The following CRTC1 variants were observed in gnomAD, a reference collection of about 807,000 sequenced individuals.
The protein encoded by CRTC1 is CREB regulated transcription coactivator 1, also known as CREB-regulated transcription coactivator 1.
Under a neutral mutation model 66.1 loss-of-function variants are expected in CRTC1, and 18 were observed. That is an observed-to-expected ratio of 0.27 (90% CI 0.19 to 0.40). CRTC1 has a LOEUF of 0.40. Among genes scored for constraint, CRTC1 ranks in the 10% least tolerant of loss-of-function variants. The pLI is 1.00. For synonymous variants in CRTC1, 416 were observed against 398.8 expected, an observed-to-expected ratio of 1.04 and a Z score of -0.51; for missense variants, 669 against 887.9, an observed-to-expected ratio of 0.75 and a Z score of 3.13.
intron 1 of CRTC1, among the ~76,000 whole-genome samples, chr19:18,690,328 G>A (rs558562856): frequency 6.6e-6 from 1 of 152,288 alleles, no homozygotes; most frequent in Admixed American, 6.5e-5. Context: ...GGTGGCTCAG[G>A]TTAGCTGAGT....
At position 18,694,799 on chromosome 19, in the gene CRTC1, T is replaced by G. The variant is rs529616309; in HGVS notation, c.126+10971T>G. 9.9e-5 allele frequency among the ~76,000 whole-genome samples: 15 copies of G among 152,192 alleles called. No individual in the cohort carries two copies. The South Asian group carries it at 2.7e-3, about 27-fold the overall frequency. On this transcript the variant is annotated intron_variant, in intron 1 of 13. Coordinates refer to ENST00000321949, the MANE Select transcript of CRTC1 (RefSeq NM_015321.3). Reference sequence around the variant, plus strand: ...GACTCACACACAGTTTGAAACCCACTGACCTCAAGTGTTAAGGAAGATCAG... The same window carrying G: ...GACTCACACACAGTTTGAAACCCACGGACCTCAAGTGTTAAGGAAGATCAG...
intron 1 of CRTC1, among the ~76,000 whole-genome samples, chr19:18,710,623 A>T (rs1296202948): frequency 1.3e-5 from 2 of 151,762 alleles, no homozygotes; most frequent in Admixed American, 6.6e-5. Context: ...TTATTTATTT[A>T]TTTTTTGAGA....
chr19:18,719,698 C>T (rs993930612), intron 1 of CRTC1, among the ~76,000 whole-genome samples: 2 of 152,216 alleles, frequency 1.3e-5, no homozygotes, highest in Non-Finnish European at 2.9e-5. Context: ...TCATTTGTTC[C>T]GCCTCGACCG....
chr19:18,725,529 GT>G (rs34843495), intron 1 of CRTC1, among the ~76,000 whole-genome samples: 83,916 of 151,964 alleles, frequency 0.55, 23,725 homozygotes, highest in East Asian at 0.82. Flanking sequence ...GGGCCCCTGG[GT>G]TCAGCGTTGG....
At chr19:18,715,996 CG>C (rs948221439) in intron 1 of CRTC1, among the ~76,000 whole-genome samples, 3 of 151,608 alleles carry the variant, frequency 2.0e-5, no homozygotes, top group Non-Finnish European at 4.4e-5. Flanking sequence ...CAGCGGTTGG[CG>C]GGGGGGGTGT....
At position 18,745,806 on chromosome 19, in the gene CRTC1, A is replaced by G. The variant is rs1404595871; in HGVS notation, c.244-17A>G. 2.5e-6 allele frequency: 4 copies of G among 1,613,294 alleles called. No individual in the cohort carries two copies. The highest frequency in any genetic ancestry group is 1.7e-5 in the Admixed American group (1 of 59,982). Reference sequence around the variant, plus strand: ...TTTGGATTTCTCTCTCTCTGTTTCCATCTCCTCCTCCCCCAGACCCCCTTC... The same window carrying G: ...TTTGGATTTCTCTCTCTCTGTTTCCGTCTCCTCCTCCCCCAGACCCCCTTC... On this transcript the variant is annotated splice_polypyrimidine_tract_variant and intron_variant, in intron 2 of 13. Coordinates refer to ENST00000321949, the MANE Select transcript of CRTC1 (RefSeq NM_015321.3).
intron 6 of CRTC1, among the ~76,000 whole-genome samples, chr19:18,759,174 G>T (rs1270999093): frequency 6.6e-6 from 1 of 152,178 alleles, no homozygotes; most frequent in Non-Finnish European, 1.5e-5. Flanking sequence ...CTGCACTCTA[G>T]CCTGGGTGAC....
intron 1 of CRTC1, among the ~76,000 whole-genome samples, chr19:18,715,879 T>C (rs183763171): frequency 6.6e-6 from 1 of 152,328 alleles, no homozygotes; most frequent in East Asian, 1.9e-4. Flanking sequence ...TTGACTTTGC[T>C]GCAGCCCACG....
chr19:18,746,921 C>T, intron 3 of CRTC1, 132 bp from the exon 4 acceptor site: 2 of 750,812 alleles, frequency 2.7e-6, no homozygotes, highest in Non-Finnish European at 4.6e-6. Context: ...GCCCCCCGCC[C>T]TACTGGTCCC....
At chr19:18,697,138 C>T (rs760625378) in intron 1 of CRTC1, among the ~76,000 whole-genome samples, 11 of 152,020 alleles carry the variant, frequency 7.2e-5, no homozygotes, top group East Asian at 1.9e-4. Flanking sequence ...CCGCGTGCCT[C>T]GAGGGCCAGG....
At chr19:18,739,213 T>G (rs2054061966) in intron 1 of CRTC1, among the ~76,000 whole-genome samples, 1 of 152,178 alleles carries the variant, frequency 6.6e-6, no homozygotes, top group Admixed American at 6.5e-5. Flanking sequence ...GCCATGGGGA[T>G]GGTGTGGAGA....
chr19:18,714,882 C>A (rs548192125), intron 1 of CRTC1, among the ~76,000 whole-genome samples: 1 of 152,400 alleles, frequency 6.6e-6, no homozygotes, highest in African/African-American at 2.4e-5. Flanking sequence ...GCCTCTCCTG[C>A]CCCCACTGGG....
intron 4 of CRTC1, among the ~76,000 whole-genome samples, chr19:18,748,699 CAA>C (rs759984138): frequency 1.5e-4 from 18 of 121,222 alleles, no homozygotes; most frequent in Non-Finnish European, 1.9e-4. Flanking sequence ...GACCCTGTCT[CAA>C]AAAAAAAAAA....
At chr19:18,694,921 C>T (rs1180579263) in intron 1 of CRTC1, among the ~76,000 whole-genome samples, 3 of 150,400 alleles carry the variant, frequency 2.0e-5, no homozygotes, top group African/African-American at 7.3e-5. Flanking sequence ...GAGAGGGAGT[C>T]TTGCTCCTAT....
Position 18,696,798 on chromosome 19 carries a change from C to T in CRTC1, c.126+12970C>T, listed in dbSNP as rs577605138. 7.1e-4 allele frequency among the ~76,000 whole-genome samples: 103 copies of T among 145,280 alleles called. No individual in the cohort carries two copies. In the South Asian group the frequency reaches 0.011, roughly 16 times the overall value. The stretch of plus-strand genomic sequence containing the variant: ...GAGCCCCCTCCAGTAGGGAGGAGGG[C>T]GAGCAGCTGGAGGTGTGCCACTCAC... On this transcript the variant is annotated intron_variant, in intron 1 of 13. Transcript: ENST00000321949.
chr19:18,697,062 GTTC>G (rs2053007865), intron 1 of CRTC1, among the ~76,000 whole-genome samples: 1 of 152,128 alleles, frequency 6.6e-6, no homozygotes, highest in Admixed American at 6.5e-5. Flanking sequence ...TGGGTGCCCT[GTTC>G]TTCTGGGTGT....
At position 18,752,733 on chromosome 19, in the gene CRTC1, C is replaced by A. The variant is rs567193726; in HGVS notation, c.539-767C>A. On this transcript the variant is annotated intron_variant, in intron 5 of 13. Coordinates refer to ENST00000321949, the MANE Select transcript of CRTC1 (RefSeq NM_015321.3). Reference sequence around the variant, plus strand: ...TCAGCTCACTGCAACCTCTGCCTCCCCGGTTCAAGCAATTCTGCCTCAGCC... The same window carrying A: ...TCAGCTCACTGCAACCTCTGCCTCCACGGTTCAAGCAATTCTGCCTCAGCC... Among the ~76,000 whole-genome samples the A allele has an allele frequency of 1.9e-3, 281 of 151,850 alleles. 2 individuals carry two copies. Among genetic ancestry groups the A allele is most frequent in the African/African-American group, 6.5e-3 (271 of 41,436 alleles).
At chr19:18,728,708 T>C (rs746374370) in intron 1 of CRTC1, among the ~76,000 whole-genome samples, 6 of 151,990 alleles carry the variant, frequency 3.9e-5, no homozygotes, top group African/African-American at 1.2e-4. Flanking sequence ...TTTCATCATG[T>C]TGGCCAGGCT....
In CRTC1 at chr19:18,780,749, G is replaced by A. The variant is rs977346952; in HGVS notation, c.*3367G>A. ...TTGCTGTGTTGCCCAGGCTGGTCTC[G>A]GACTCCTGGGCTCAAGCAGTCCTCC... On this transcript the variant is annotated 3_prime_UTR_variant, in exon 14 of 14. Coordinates refer to ENST00000321949, the MANE Select transcript of CRTC1 (RefSeq NM_015321.3). 10 of 216,474 alleles carry A rather than the reference G, an allele frequency of 4.6e-5. No homozygotes were observed. The highest frequency in any genetic ancestry group is 1.4e-4 in the East Asian group (2 of 14,688). 13.4% of individuals were successfully genotyped at this position (216,474 alleles called of 1,614,324 possible).
Sources: gnomAD v4.1 joint callset for allele counts (sites outside exome capture counted in the v4.1 genomes callset) on GRCh38, gnomAD v4.1.1 for gene constraint, MANE v1.5 for transcripts, NCBI Gene and HGNC (gene_info 2026-07-23, HGNC 2026-07-21) for gene names.